HS6ST3: variants seen among roughly 807,000 people sequenced by gnomAD.
The protein encoded by HS6ST3 is heparan-sulfate 6-O-sulfotransferase 3.
Under a neutral mutation model 36.7 loss-of-function variants are expected in HS6ST3, and 12 were observed. The ratio of observed to expected loss-of-function variants is 0.33; its 90% CI spans 0.21 to 0.53. HS6ST3 has a LOEUF of 0.53. Among genes scored for constraint, HS6ST3 ranks in the 20% least tolerant of loss-of-function variants. The pLI is 0.95. For missense variants in HS6ST3, 584 were observed against 640.9 expected, an observed-to-expected ratio of 0.91 and a Z score of 0.96; for synonymous variants, 240 against 257.5, an observed-to-expected ratio of 0.93 and a Z score of 0.65.
chr13:96,110,548 T>C (rs2053863339), intron 1 of HS6ST3, among the ~76,000 whole-genome samples: 1 of 151,736 alleles, frequency 6.6e-6, no homozygotes, highest in Non-Finnish European at 1.5e-5. Flanking sequence ...ACCATTCTCC[T>C]GCCTCAGCCT....
intron 1 of HS6ST3, among the ~76,000 whole-genome samples, chr13:96,564,144 T>C (rs928117813): frequency 1.3e-5 from 2 of 152,198 alleles, no homozygotes; most frequent in African/African-American, 4.8e-5. Context: ...ATTTTGAAAG[T>C]TTCCACAGAG....
At chr13:96,316,433 G>T (rs75894001) in intron 1 of HS6ST3, among the ~76,000 whole-genome samples, 2,550 of 152,234 alleles carry the variant, frequency 0.017, 50 homozygotes, top group East Asian at 0.078. Context: ...CAGCTCCATT[G>T]CCTCCCTGGG....
intron 1 of HS6ST3, among the ~76,000 whole-genome samples, chr13:96,679,518 C>T (rs1233301004): frequency 6.6e-6 from 1 of 152,108 alleles, no homozygotes; most frequent in Non-Finnish European, 1.5e-5. Flanking sequence ...TATTTACTCT[C>T]CTGTTTCTCA....
At chr13:96,129,692 C>T (rs184099334) in intron 1 of HS6ST3, among the ~76,000 whole-genome samples, 13 of 152,318 alleles carry the variant, frequency 8.5e-5, no homozygotes, top group African/African-American at 3.1e-4. Flanking sequence ...ATCCCCAGTA[C>T]CTCAGAGTGT....
intron 1 of HS6ST3, among the ~76,000 whole-genome samples, chr13:96,428,455 G>A (rs766698194): frequency 6.6e-6 from 1 of 152,130 alleles, no homozygotes; most frequent in African/African-American, 2.4e-5. Context: ...AGCAGGGTTG[G>A]TTTCTTTTGT....
At chr13:96,274,498 A>G (rs979832956) in intron 1 of HS6ST3, among the ~76,000 whole-genome samples, 2 of 152,086 alleles carry the variant, frequency 1.3e-5, no homozygotes, top group South Asian at 2.1e-4. Flanking sequence ...GTGTGCAGAC[A>G]CCATTAATAA....
intron 1 of HS6ST3, among the ~76,000 whole-genome samples, chr13:96,382,459 G>C (rs2055346009): frequency 6.6e-6 from 1 of 152,284 alleles, no homozygotes; most frequent in South Asian, 2.1e-4. Context: ...TGGTTATAAT[G>C]TTCCAGAAAA....
intron 1 of HS6ST3, among the ~76,000 whole-genome samples, chr13:96,592,595 A>T (rs2056386538): frequency 6.6e-6 from 1 of 152,200 alleles, no homozygotes; most frequent in African/African-American, 2.4e-5. Flanking sequence ...TTCTTGTAGT[A>T]CAAGTCTGGT....
chr13:96,717,275 T>G (rs1162805626), intron 1 of HS6ST3, among the ~76,000 whole-genome samples: 1 of 152,182 alleles, frequency 6.6e-6, no homozygotes, highest in Non-Finnish European at 1.5e-5. Context: ...TCTCCTACAA[T>G]GCATTCCAGT....
intron 1 of HS6ST3, among the ~76,000 whole-genome samples, chr13:96,619,549 A>C (rs1464978781): frequency 6.6e-6 from 1 of 152,222 alleles, no homozygotes; most frequent in Non-Finnish European, 1.5e-5. Flanking sequence ...GCATTTATAT[A>C]ATCTAACTCT....
At chr13:96,217,174 C>T (rs192772351) in intron 1 of HS6ST3, among the ~76,000 whole-genome samples, 5 of 152,226 alleles carry the variant, frequency 3.3e-5, no homozygotes, top group South Asian at 2.1e-4. Context: ...CTATTTTGAA[C>T]GTCATATCTA....
At chr13:96,828,446 A>G (rs1379818010) in intron 1 of HS6ST3, among the ~76,000 whole-genome samples, 2 of 152,156 alleles carry the variant, frequency 1.3e-5, no homozygotes, top group Non-Finnish European at 2.9e-5. Context: ...TAGCTTGGAC[A>G]AGTTAAACAC....
chr13:96,639,683 C>T (rs1265060219), intron 1 of HS6ST3, among the ~76,000 whole-genome samples: 2 of 151,886 alleles, frequency 1.3e-5, no homozygotes, highest in Non-Finnish European at 2.9e-5. Context: ...GTTACTTTAT[C>T]AACCCTTCCT....
intron 1 of HS6ST3, among the ~76,000 whole-genome samples, chr13:96,229,797 T>C (rs1216348424): frequency 6.6e-6 from 1 of 152,008 alleles, no homozygotes; most frequent in Non-Finnish European, 1.5e-5. Flanking sequence ...CCCTTTAGGC[T>C]CTTAGTATTA....
rs558205787 is a variant in HS6ST3 at position 96,140,551 on chromosome 13, C to T, written c.707+48982C>T. Among the ~76,000 whole-genome samples the T allele has an allele frequency of 2.0e-5, 3 of 152,252 alleles. No homozygotes were observed. The South Asian group carries it at 6.2e-4, about 32-fold the overall frequency. ...CCCAAGAAGCAGAGAGATGTCATGACATTACAAGAAAAAGTTTAATTGCTT... is the reference window on the plus strand; with the variant it reads ...CCCAAGAAGCAGAGAGATGTCATGATATTACAAGAAAAAGTTTAATTGCTT... On this transcript the variant is annotated intron_variant, in intron 1 of 1. Transcript: ENST00000376705.
At chr13:96,720,301 A>AG (rs1244147556) in intron 1 of HS6ST3, among the ~76,000 whole-genome samples, 1 of 152,186 alleles carries the variant, frequency 6.6e-6, no homozygotes, top group East Asian at 1.9e-4. Flanking sequence ...TCTTACTCAT[A>AG]GTAACTTGGA....
intron 1 of HS6ST3, among the ~76,000 whole-genome samples, chr13:96,537,214 C>A (rs1012211003): frequency 6.6e-6 from 1 of 152,106 alleles, no homozygotes. Context: ...AGAATGAGAA[C>A]GAAGAGAAAG....
chr13:96,193,214 C>A (rs1324301466), intron 1 of HS6ST3, among the ~76,000 whole-genome samples: 1 of 152,172 alleles, frequency 6.6e-6, no homozygotes, highest in Non-Finnish European at 1.5e-5. Context: ...GATTTTCCCA[C>A]CTCTATCTTG....
At chr13:96,276,123 G>A (rs1164161730) in intron 1 of HS6ST3, among the ~76,000 whole-genome samples, 1 of 152,058 alleles carries the variant, frequency 6.6e-6, no homozygotes, top group Non-Finnish European at 1.5e-5. Context: ...GCCTCTGACT[G>A]CCCTTTGTTG....
Sources: allele counts gnomAD v4.1 joint callset (sites outside exome capture counted in the v4.1 genomes callset), GRCh38; gene constraint gnomAD v4.1.1; transcripts MANE v1.5; gene names NCBI Gene and HGNC (gene_info 2026-07-23, HGNC 2026-07-21).